The following LPA variants were observed in gnomAD, a reference collection of about 807,000 sequenced individuals.
The protein encoded by LPA is lipoprotein(a).
In LPA, 199 loss-of-function variants were observed where a neutral mutation model predicts 197.9. The ratio of observed to expected loss-of-function variants is 1.01; its 90% CI spans 0.90 to 1.13. LPA has a LOEUF of 1.13. Ranked by LOEUF, LPA falls within the 50% of genes most tolerant of loss-of-function variation. The pLI, the probability that LPA is intolerant of heterozygous loss-of-function variation, is 0.00. For missense variants in LPA, 1,853 were observed against 1,785.8 expected, an observed-to-expected ratio of 1.04 and a Z score of -0.68; for synonymous variants, 715 against 639.5, an observed-to-expected ratio of 1.12 and a Z score of -1.78.
chr6:160,587,661 TCTC>T (rs1282814635), intron 24 of LPA, among the ~76,000 whole-genome samples: 6 of 152,080 alleles, frequency 3.9e-5, no homozygotes, highest in African/African-American at 1.4e-4. Flanking sequence ...ATCTTTTTCT[TCTC>T]CTTCTGTGAC....
chr6:160,532,207 C>A (rs993484423), intron 38 of LPA, among the ~76,000 whole-genome samples: 3 of 152,114 alleles, frequency 2.0e-5, no homozygotes, highest in African/African-American at 7.2e-5. Context: ...TTGTCTCGGT[C>A]CTGTACCCTC....
At chr6:160,663,386 C>T (rs1425650370) in intron 1 of LPA, among the ~76,000 whole-genome samples, 2 of 152,122 alleles carry the variant, frequency 1.3e-5, no homozygotes, top group South Asian at 4.1e-4. Context: ...AATTTGGTCA[C>T]GAGACAAATA....
intron 33 of LPA, among the ~76,000 whole-genome samples, chr6:160,543,219 G>T (rs190564793): frequency 6.6e-6 from 1 of 152,222 alleles, no homozygotes; most frequent in African/African-American, 2.4e-5. Flanking sequence ...CTGCTGTGGG[G>T]GTAATTTACA....
At chr6:160,547,152 T>C (rs1008045859) in intron 32 of LPA, among the ~76,000 whole-genome samples, 19 of 152,172 alleles carry the variant, frequency 1.2e-4, no homozygotes, top group Admixed American at 1.0e-3. Flanking sequence ...TAATATATAA[T>C]GAAATAAATG....
chr6:160,631,993 T>A (rs1582891124), intron 8 of LPA, among the ~76,000 whole-genome samples: 4 of 124,958 alleles, frequency 3.2e-5, no homozygotes, highest in African/African-American at 8.2e-5. Flanking sequence ...GTGTTTTCAG[T>A]GTGTGTGTGT....
At chr6:160,657,650 G>A (rs184762817) in intron 1 of LPA, among the ~76,000 whole-genome samples, 25 of 152,024 alleles carry the variant, frequency 1.6e-4, no homozygotes, top group Middle Eastern at 3.4e-3. Flanking sequence ...GCCCGCCCCC[G>A]CCTCCCAAGG....
intron 28 of LPA, among the ~76,000 whole-genome samples, chr6:160,573,291 T>G (rs1405288399): frequency 6.6e-6 from 1 of 152,084 alleles, no homozygotes; most frequent in Non-Finnish European, 1.5e-5. Context: ...TTTTTTATTG[T>G]TTTTTTATTA....
intron 16 of LPA, among the ~76,000 whole-genome samples, chr6:160,610,054 C>A (rs1028950742): frequency 6.6e-6 from 1 of 152,036 alleles, no homozygotes; most frequent in Non-Finnish European, 1.5e-5. Flanking sequence ...TATCTGAAAT[C>A]AGTTATCATA....
chr6:160,566,303 C>T (rs994007743), intron 28 of LPA, among the ~76,000 whole-genome samples: 1 of 152,128 alleles, frequency 6.6e-6, no homozygotes, highest in South Asian at 2.1e-4. Context: ...TCAGCAGAAA[C>T]TCTACAAGCC....
At chr6:160,538,877 C>A (rs1777933747) in intron 36 of LPA, among the ~76,000 whole-genome samples, 1 of 152,164 alleles carries the variant, frequency 6.6e-6, no homozygotes. Flanking sequence ...TCCTAAGTGA[C>A]TTGTTCAAGC....
In LPA at chr6:160,586,552, T is replaced by C; in HGVS notation, c.4026A>G (p.Arg1342=). The C allele has an allele frequency of 6.2e-7, 1 of 1,613,816 alleles. No individual in the cohort carries two copies. The highest frequency in any genetic ancestry group is 8.5e-7 in the Non-Finnish European group (1 of 1,179,804). ...PWCYTMDPSV[R]WEYCNLTQCP... is the part of the protein sequence containing the mutation. ...ATTGCGTCAGGTTGCAGTACTCCCA[T>C]CTGACACTGGGATCCATGGTATAAC... The change falls in exon 25 of 39, where the codon AGA becomes AGG. Residue 1342 remains arginine, a synonymous_variant. Coordinates refer to ENST00000316300, the MANE Select transcript of LPA (RefSeq NM_005577.4).
chr6:160,545,143 G>T (rs1033555558), intron 33 of LPA, among the ~76,000 whole-genome samples: 13 of 152,024 alleles, frequency 8.6e-5, no homozygotes, highest in African/African-American at 3.1e-4. Context: ...GACAAAGAAG[G>T]GTTCGGTGGG....
rs957174246 is a variant in LPA at position 160,578,855 on chromosome 6, T to A, written c.4290-151A>T. 5 of 1,193,868 alleles carry A rather than the reference T, an allele frequency of 4.2e-6. No homozygotes were observed. In the Admixed American group the frequency reaches 1.0e-4, roughly 24 times the overall value. 74.0% of individuals were successfully genotyped at this position (1,193,868 alleles called of 1,614,324 possible). On this transcript the variant is annotated intron_variant, in intron 26 of 38. Transcript: ENST00000316300. ...ATAATATTGCCACAAGCACAAATGG[T>A]CTTCAGCTTCAACTTTTAAACAACT...
chr6:160,534,316 A>G (rs1240699972), intron 37 of LPA, among the ~76,000 whole-genome samples: 1 of 152,234 alleles, frequency 6.6e-6, no homozygotes, highest in African/African-American at 2.4e-5. Flanking sequence ...AAACATCCTG[A>G]TAAGAGGGAA....
intron 2 of LPA, among the ~76,000 whole-genome samples, chr6:160,647,261 A>G (rs951940918): frequency 6.6e-6 from 1 of 152,190 alleles, no homozygotes; most frequent in Admixed American, 6.5e-5. Context: ...GGAGGAGCAA[A>G]AAACAATGAA....
At chr6:160,576,396 A>ATATACACATATATATATATATGTG (rs1583590589) in intron 28 of LPA, among the ~76,000 whole-genome samples, 1 of 46,944 alleles carries the variant, frequency 2.1e-5, no homozygotes, top group South Asian at 7.8e-4. Flanking sequence ...ATATGTATAT[A>ATATACACATATATATATATATGTG]TATATATATA....
At position 160,531,599 on chromosome 6, in the gene LPA, A is replaced by T; in HGVS notation, c.*130T>A. 1 of 1,284,582 alleles carries T rather than the reference A, an allele frequency of 7.8e-7. No individual in the cohort carries two copies. Among genetic ancestry groups the T allele is most frequent in the Non-Finnish European group, 1.1e-6 (1 of 893,968 alleles). The allele number at this position is 1,284,582 out of a possible 1,614,324, so 79.6% of individuals were successfully genotyped here. A position where few individuals can be genotyped will look rare whatever the true frequency, so the allele number is the denominator to read the frequency against. On this transcript the variant is annotated 3_prime_UTR_variant, in exon 39 of 39. Transcript: ENST00000316300. The stretch of plus-strand genomic sequence containing the variant: ...ATACACAAAAATACCAAAAATGCCA[A>T]GGTTTGGCATAGCTGGTAGCTGGGA...
rs528121852 is a variant in LPA, at chr6:160,595,308, C to T, written c.3469+46G>A. On this transcript the variant is annotated intron_variant, in intron 21 of 38. Transcript: ENST00000316300. The stretch of plus-strand genomic sequence containing the variant: ...ATCACTAAGATTTTGCAACTCTTTT[C>T]ATCCCAACGTCCTAGGGTGTGGTTG... The T allele has an allele frequency of 5.0e-6, 8 of 1,606,722 alleles. No homozygotes were observed. In the African/African-American group the frequency reaches 9.3e-5, roughly 19 times the overall value.
intron 22 of LPA, among the ~76,000 whole-genome samples, chr6:160,592,906 T>A (rs1779056866): frequency 6.6e-6 from 1 of 152,210 alleles, no homozygotes; most frequent in South Asian, 2.1e-4. Context: ...CCCAGTGCTA[T>A]GTGAGCTCTA....
Sources: allele counts gnomAD v4.1 joint callset (sites outside exome capture counted in the v4.1 genomes callset), GRCh38; gene constraint gnomAD v4.1.1; transcripts MANE v1.5; gene names NCBI Gene and HGNC (gene_info 2026-07-23, HGNC 2026-07-21).